Variants in TAS2R1 observed in about 807,000 individuals in gnomAD.
TAS2R1 encodes the protein taste 2 receptor member 1.
For synonymous variants in TAS2R1, 141 were observed against 134.2 expected (o/e 1.05, Z -0.35); for missense variants, 370 against 353.4 (o/e 1.05, Z -0.38).
At chr5:9,856,345 G>C in the TAS2R1 span, among the ~76,000 whole-genome samples, 1 of 151,960 alleles carries the variant, frequency 6.6e-6, no homozygotes, top group Non-Finnish European at 1.5e-5. Context: ...TGTATCCCAA[G>C]TGGAGACACT....
the TAS2R1 span, among the ~76,000 whole-genome samples, chr5:9,744,392 T>C: frequency 6.6e-6 from 1 of 152,114 alleles, no homozygotes; most frequent in African/African-American, 2.4e-5. Context: ...GAAAATAAGA[T>C]GGGAATGGAA....
the TAS2R1 span, among the ~76,000 whole-genome samples, chr5:9,727,952 C>T: frequency 3.4e-3 from 510 of 152,162 alleles, 5 homozygotes; most frequent in African/African-American, 8.8e-3. Flanking sequence ...GCAGGGCAGT[C>T]GCCAGATCTA....
the TAS2R1 span, among the ~76,000 whole-genome samples, chr5:9,818,372 G>C: frequency 1.5e-4 from 23 of 152,298 alleles, no homozygotes; most frequent in African/African-American, 5.5e-4. Context: ...GTCACCCCAA[G>C]ATTTTCTCTA....
upstream of TAS2R1, among the ~76,000 whole-genome samples, chr5:9,631,781 C>T (rs1473895515): frequency 2.0e-5 from 3 of 152,108 alleles, no homozygotes; most frequent in Non-Finnish European, 2.9e-5. Flanking sequence ...AAAAATTAGT[C>T]GTGAGAGTAA....
chr5:9,637,954 T>C (rs1739996364), intron 2 of TAS2R1, among the ~76,000 whole-genome samples: 1 of 152,218 alleles, frequency 6.6e-6, no homozygotes, highest in South Asian at 2.1e-4. Flanking sequence ...TTTGGATCCA[T>C]TGCTGGGGAG....
At chr5:9,800,069 C>A in the TAS2R1 span, among the ~76,000 whole-genome samples, 2 of 152,196 alleles carry the variant, frequency 1.3e-5, no homozygotes, top group Non-Finnish European at 2.9e-5. Flanking sequence ...AGGCCTATTT[C>A]TTTCCTCTTT....
At chr5:9,879,005 C>A in the TAS2R1 span, among the ~76,000 whole-genome samples, 2 of 152,378 alleles carry the variant, frequency 1.3e-5, no homozygotes, top group Middle Eastern at 3.4e-3. Flanking sequence ...CCATCACTAA[C>A]TTCCAGCCTC....
the TAS2R1 span, among the ~76,000 whole-genome samples, chr5:9,772,476 T>C: frequency 6.6e-6 from 1 of 152,166 alleles, no homozygotes; most frequent in Non-Finnish European, 1.5e-5. Flanking sequence ...ATGTGTATTC[T>C]GCAGCTGTTG....
chr5:9,699,749 A>G (rs1248847614), intron 1 of TAS2R1, among the ~76,000 whole-genome samples: 3 of 152,146 alleles, frequency 2.0e-5, no homozygotes, highest in Non-Finnish European at 4.4e-5. Context: ...TTCTTTCTAC[A>G]AGCCTATATT....
chr5:9,770,622 A>C, the TAS2R1 span, among the ~76,000 whole-genome samples: 14 of 151,920 alleles, frequency 9.2e-5, no homozygotes, highest in Admixed American at 8.5e-4. Context: ...CACTTATTTT[A>C]TTACATTAAT....
At chr5:9,702,062 A>T (rs1028946445) in intron 1 of TAS2R1, among the ~76,000 whole-genome samples, 3 of 152,170 alleles carry the variant, frequency 2.0e-5, no homozygotes, top group Admixed American at 2.0e-4. Flanking sequence ...CTAGAGCTGT[A>T]TGTTTTAGGT....
the TAS2R1 span, among the ~76,000 whole-genome samples, chr5:9,806,781 G>A: frequency 6.6e-6 from 1 of 151,992 alleles, no homozygotes; most frequent in Admixed American, 6.5e-5. Flanking sequence ...TCTATGACCT[G>A]AAACCATAAC....
At chr5:9,688,205 T>G (rs1730942025) in intron 1 of TAS2R1, among the ~76,000 whole-genome samples, 1 of 152,210 alleles carries the variant, frequency 6.6e-6, no homozygotes, top group South Asian at 2.1e-4. Flanking sequence ...GTGTGTCTAT[T>G]TAGAGTCTAG....
chr5:9,760,547 C>T, the TAS2R1 span, among the ~76,000 whole-genome samples: 2 of 152,190 alleles, frequency 1.3e-5, no homozygotes, highest in Non-Finnish European at 2.9e-5. Context: ...ATTCAGACAT[C>T]AATCATTGTG....
At chr5:9,677,806 G>A (rs576844499) in intron 1 of TAS2R1, among the ~76,000 whole-genome samples, 1 of 152,314 alleles carries the variant, frequency 6.6e-6, no homozygotes, top group East Asian at 1.9e-4. Context: ...ATATGATCCA[G>A]TGATGCTCGC....
upstream of TAS2R1, among the ~76,000 whole-genome samples, chr5:9,715,739 C>T (rs1313157544): frequency 6.6e-6 from 1 of 152,208 alleles, no homozygotes; most frequent in African/African-American, 2.4e-5. Flanking sequence ...GAAGCTTTCC[C>T]TCTACCTAGA....
the TAS2R1 span, among the ~76,000 whole-genome samples, chr5:9,740,742 C>T: frequency 1.3e-5 from 2 of 152,210 alleles, no homozygotes; most frequent in Admixed American, 6.5e-5. Context: ...CTGTCAAAAC[C>T]TTTGAGCAGG....
chr5:9,658,718 T>TGA (rs756667268), intron 2 of TAS2R1: 5 of 152,234 alleles, frequency 3.3e-5, no homozygotes, highest in Admixed American at 1.3e-4. Flanking sequence ...GGTAGCAATG[T>TGA]GAGTTGATAA....
chr5:9,752,010 G>A, the TAS2R1 span, among the ~76,000 whole-genome samples: 6 of 152,150 alleles, frequency 3.9e-5, no homozygotes, highest in African/African-American at 1.4e-4. Flanking sequence ...ATCTGGGAAG[G>A]CTTAGGATGT....
Sources: allele counts gnomAD v4.1 joint callset (sites outside exome capture counted in the v4.1 genomes callset), GRCh38; gene constraint gnomAD v4.1.1; transcripts MANE v1.5; gene names NCBI Gene and HGNC (gene_info 2026-07-23, HGNC 2026-07-21).